RTN4IP1: variants seen among roughly 807,000 people sequenced by gnomAD.
RTN4IP1 encodes the protein reticulon 4 interacting protein 1, also known as NAD(P)H oxidoreductase RTN4IP1, mitochondrial.
RTN4IP1 carries 32 observed loss-of-function variants against 46.6 expected under a neutral mutation model. The ratio of observed to expected loss-of-function variants is 0.69; its 90% CI spans 0.52 to 0.92. RTN4IP1 has a LOEUF of 0.92. Among genes scored for constraint, RTN4IP1 ranks in the 40% least tolerant of loss-of-function variants. The probability of loss-of-function intolerance (pLI) is 0.00; values close to 1 mark genes in which losing one functional copy is unlikely to be tolerated. For synonymous variants in RTN4IP1, 167 were observed against 161.8 expected, an observed-to-expected ratio of 1.03 and a Z score of -0.24; for missense variants, 424 against 485.8, an observed-to-expected ratio of 0.87 and a Z score of 1.20.
chr6:106,597,687 G>C (rs1291440241), intron 5 of RTN4IP1, among the ~76,000 whole-genome samples: 1 of 144,838 alleles, frequency 6.9e-6, no homozygotes, highest in Non-Finnish European at 1.5e-5. Flanking sequence ...TCTGCATTTT[G>C]TTTCTTTTTT....
At chr6:106,608,153 A>C (rs566211290) in intron 4 of RTN4IP1, among the ~76,000 whole-genome samples, 1 of 152,388 alleles carries the variant, frequency 6.6e-6, no homozygotes, top group South Asian at 2.1e-4. Context: ...TCAGCCATAA[A>C]AAAGAAAGAA....
chr6:106,572,130 G>A (rs773408849), intron 8 of RTN4IP1, 27 bp from the exon 9 acceptor site: 3 of 1,539,906 alleles, frequency 1.9e-6, no homozygotes, highest in Non-Finnish European at 2.7e-6. Flanking sequence ...GTTGACCGGT[G>A]GATAAAAAAG....
At chr6:106,574,542 A>T (rs1199206838) in intron 8 of RTN4IP1, among the ~76,000 whole-genome samples, 1 of 152,086 alleles carries the variant, frequency 6.6e-6, no homozygotes, top group Non-Finnish European at 1.5e-5. Context: ...GATGCTGTTT[A>T]CCTGGAAAAG....
intron 4 of RTN4IP1, among the ~76,000 whole-genome samples, chr6:106,611,784 A>G (rs1465278412): frequency 2.0e-5 from 3 of 152,260 alleles, no homozygotes; most frequent in Non-Finnish European, 4.4e-5. Context: ...GCATGTTGAC[A>G]TCCCCCAATT....
intron 1 of RTN4IP1, among the ~76,000 whole-genome samples, chr6:106,623,205 C>T (rs956215599): frequency 6.6e-6 from 1 of 152,144 alleles, no homozygotes; most frequent in African/African-American, 2.4e-5. Context: ...GGTACATACA[C>T]ACCATGGAAT....
At chr6:106,573,936 G>A (rs922969708) in intron 8 of RTN4IP1, among the ~76,000 whole-genome samples, 1 of 152,148 alleles carries the variant, frequency 6.6e-6, no homozygotes, top group Admixed American at 6.6e-5. Context: ...TGCTACACGG[G>A]TGCCATCCAC....
chr6:106,628,034 C>CTCCA (rs1776698299), intron 1 of RTN4IP1, among the ~76,000 whole-genome samples: 2 of 146,628 alleles, frequency 1.4e-5, no homozygotes, highest in African/African-American at 5.0e-5. Flanking sequence ...CGCCCTTGCA[C>CTCCA]TCCAGCCTGC....
chr6:106,627,141 G>GAAA (rs11387767), intron 1 of RTN4IP1, among the ~76,000 whole-genome samples: 2 of 146,864 alleles, frequency 1.4e-5, no homozygotes, highest in African/African-American at 2.5e-5. Flanking sequence ...AAAGGTAGGA[G>GAAA]AAAAAAAAAA....
chr6:106,603,482 C>T (rs72945045), intron 4 of RTN4IP1, among the ~76,000 whole-genome samples: 6,024 of 152,202 alleles, frequency 0.04, 172 homozygotes, highest in Non-Finnish European at 0.06. Flanking sequence ...ACTGCATGTT[C>T]TTACCATGTT....
chr6:106,622,750 C>T (rs2114681660), intron 2 of RTN4IP1, 68 bp downstream of exon 2: 1 of 1,507,100 alleles, frequency 6.6e-7, no homozygotes. Context: ...GTGTGCGTCT[C>T]TCATCCGTCG....
chr6:106,598,254 C>A (rs562975263), intron 5 of RTN4IP1, among the ~76,000 whole-genome samples: 1 of 152,252 alleles, frequency 6.6e-6, no homozygotes, highest in Non-Finnish European at 1.5e-5. Flanking sequence ...AGCTCTAGAT[C>A]CCTGAGGAAT....
intron 8 of RTN4IP1, among the ~76,000 whole-genome samples, chr6:106,579,173 T>C (rs538849479): frequency 6.6e-6 from 1 of 151,496 alleles, no homozygotes; most frequent in East Asian, 1.9e-4. Flanking sequence ...GAGATGGAGG[T>C]TGCAGTGAGC....
At chr6:106,627,707 A>G (rs1403560531) in intron 1 of RTN4IP1, among the ~76,000 whole-genome samples, 1 of 142,538 alleles carries the variant, frequency 7.0e-6, no homozygotes, top group East Asian at 2.1e-4. Flanking sequence ...ACAAACGTAG[A>G]CTTCATGAGA....
At chr6:106,625,670 T>C (rs547876692) in intron 1 of RTN4IP1, among the ~76,000 whole-genome samples, 27 of 145,022 alleles carry the variant, frequency 1.9e-4, no homozygotes, top group East Asian at 5.9e-4. Flanking sequence ...TCTTTTTTTT[T>C]TTTTTTTTTT....
rs1776750182 is a variant in RTN4IP1 at position 106,629,356 on chromosome 6, C to G, written c.-335G>C. On this transcript the variant is annotated 5_prime_UTR_variant, in exon 1 of 9. Transcript: ENST00000369063. ...TGCGCAAACCCCCTAGATCCCTGCC[C>G]TGTCCTGGGAGCCCTCGGCGGGACA... 1 of 557,770 alleles carries G rather than the reference C, an allele frequency of 1.8e-6. No homozygotes were observed. Among genetic ancestry groups the G allele is most frequent in the East Asian group, 3.1e-5 (1 of 32,596 alleles). The allele number at this position is 557,770 out of a possible 1,614,324, so 34.6% of individuals were successfully genotyped here. A position where few individuals can be genotyped will look rare whatever the true frequency, so the allele number is the denominator to read the frequency against.
chr6:106,575,258 G>A (rs563522977), intron 8 of RTN4IP1, among the ~76,000 whole-genome samples: 4 of 152,294 alleles, frequency 2.6e-5, no homozygotes, highest in South Asian at 2.1e-4. Context: ...TTCCCACTGC[G>A]CAGACACACG....
Position 106,622,892 on chromosome 6 carries a change from T to A in RTN4IP1, c.352A>T (p.Thr118Ser). 6.2e-7 allele frequency: 1 copy of A among 1,614,094 alleles called. No individual in the cohort carries two copies. The highest frequency in any genetic ancestry group is 8.5e-7 in the Non-Finnish European group (1 of 1,180,002). Residue 118 changes from threonine to serine, a missense_variant, in exon 2 of 9, where the codon ACT (threonine) becomes TCT (serine). By Grantham distance (58) the Thr-to-Ser change is moderately conservative. Transcript: ENST00000369063. ...VKIKGEEFPLTLGRDVSGVVM... is the reference protein window; with the variant it reads ...VKIKGEEFPLSLGRDVSGVVM... ...ACGCCAGAGACATCCCGACCCAGAG[T>A]CAGAGGAAATTCTTCTCCTTTGATT...
chr6:106,619,379 C>T, intron 3 of RTN4IP1, 53 bp from the exon 4 acceptor site: 8 of 1,600,202 alleles, frequency 5.0e-6, no homozygotes, highest in Non-Finnish European at 6.8e-6. Flanking sequence ...AACCTATGAA[C>T]ACAATTAAGC....
intron 8 of RTN4IP1, among the ~76,000 whole-genome samples, chr6:106,575,470 G>C (rs1401781901): frequency 6.6e-6 from 1 of 152,154 alleles, no homozygotes; most frequent in Non-Finnish European, 1.5e-5. Context: ...ATGTGGCCTT[G>C]GAATATTGCT....
Sources: gnomAD v4.1 joint callset for allele counts (sites outside exome capture counted in the v4.1 genomes callset) on GRCh38, gnomAD v4.1.1 for gene constraint, MANE v1.5 for transcripts, NCBI Gene and HGNC (gene_info 2026-07-23, HGNC 2026-07-21) for gene names.